FAM193A: variants seen among roughly 807,000 people sequenced by gnomAD.
FAM193A encodes protein FAM193A.
FAM193A carries 22 observed loss-of-function variants against 126.5 expected under a neutral mutation model. That is an observed-to-expected ratio of 0.17 (90% confidence interval 0.12 to 0.25). The LOEUF (loss-of-function observed/expected upper bound fraction) is 0.25, where lower values mean the gene tolerates loss of function less well. Among genes scored for constraint, FAM193A ranks in the 10% least tolerant of loss-of-function variants. The pLI is 1.00. For synonymous variants in FAM193A, 761 were observed against 646.8 expected (o/e 1.18, Z -2.68); for missense variants, 1,675 against 1,672.8 (o/e 1.00, Z -0.02).
chr4:2,555,659 T>C (rs28620508), intron 1 of FAM193A, among the ~76,000 whole-genome samples: 14,831 of 152,156 alleles, frequency 0.097, 1,487 homozygotes, highest in African/African-American at 0.26. Flanking sequence ...GCTCTGTCAC[T>C]CAGGCTGGAG....
chr4:2,729,650 C>T (rs1321708817), intron 20 of FAM193A, among the ~76,000 whole-genome samples: 2 of 152,158 alleles, frequency 1.3e-5, no homozygotes, highest in Non-Finnish European at 2.9e-5. Flanking sequence ...GGATTCGCCA[C>T]CGGCAACTCA....
At chr4:2,699,446 C>CCCCA (rs748329252) in intron 18 of FAM193A, among the ~76,000 whole-genome samples, 129 of 103,514 alleles carry the variant, frequency 1.2e-3, no homozygotes, top group Admixed American at 1.9e-3. Context: ...ACCCCCCCCC[C>CCCCA]CACACACACA....
intron 6 of FAM193A, among the ~76,000 whole-genome samples, chr4:2,640,637 C>G (rs191168387): frequency 1.3e-5 from 2 of 152,048 alleles, no homozygotes; most frequent in East Asian, 3.9e-4. Context: ...TAATACAGAC[C>G]CATCGTGACA....
At position 2,538,882 on chromosome 4, in the gene FAM193A, CTT is replaced by C. The variant is rs573455761; in HGVS notation, c.255+1714_255+1715del. On this transcript the variant is annotated intron_variant, in intron 1 of 20. Transcript: ENST00000637812. Reference sequence around the variant, plus strand: ...TTTGCAATACTTAGGTAAAATATAACTTTATTATTTTTATTTATTTTTTTTTG... The same window carrying C: ...TTTGCAATACTTAGGTAAAATATAACTATTATTTTTATTTATTTTTTTTTG... Among the ~76,000 whole-genome samples the C allele has an allele frequency of 2.3e-3, 342 of 151,576 alleles. 5 individuals are homozygous for C. Among genetic ancestry groups the C allele is most frequent in the Admixed American group, 0.014 (218 of 15,190 alleles).
intron 1 of FAM193A, among the ~76,000 whole-genome samples, chr4:2,577,074 T>C (rs904291351): frequency 5.3e-5 from 8 of 152,228 alleles, no homozygotes; most frequent in Admixed American, 6.5e-5. Context: ...TTAGTTGATA[T>C]GAGGACTAAA....
chr4:2,729,135 C>A (rs769054452), intron 20 of FAM193A, among the ~76,000 whole-genome samples: 12 of 152,118 alleles, frequency 7.9e-5, no homozygotes, highest in Non-Finnish European at 1.5e-4. Flanking sequence ...ACCAGGGAAA[C>A]TGAAGCTGGT....
chr4:2,600,869 T>C (rs1560472049), intron 2 of FAM193A, among the ~76,000 whole-genome samples: 1 of 152,198 alleles, frequency 6.6e-6, no homozygotes. Flanking sequence ...TTCACAGCCA[T>C]GTATGTCTCT....
intron 15 of FAM193A, among the ~76,000 whole-genome samples, chr4:2,692,169 G>C (rs28483): frequency 0.24 from 37,184 of 152,078 alleles, 4,827 homozygotes; most frequent in Middle Eastern, 0.33. Flanking sequence ...TTTTAATTGA[G>C]TCACAGTTCC....
intron 2 of FAM193A, 60 bp from the exon 3 acceptor site, chr4:2,625,202 A>C: frequency 1.6e-6 from 1 of 625,370 alleles, no homozygotes; most frequent in Non-Finnish European, 2.9e-6. Context: ...CAGTTAATAA[A>C]AAATTGATGC....
chr4:2,614,437 A>G (rs1172153724), intron 2 of FAM193A, among the ~76,000 whole-genome samples: 3 of 152,098 alleles, frequency 2.0e-5, no homozygotes, highest in Non-Finnish European at 4.4e-5. Flanking sequence ...ATGTTGGAAA[A>G]CCTTGCATTC....
At chr4:2,557,168 T>C (rs750522352) in intron 1 of FAM193A, among the ~76,000 whole-genome samples, 1 of 152,194 alleles carries the variant, frequency 6.6e-6, no homozygotes, top group Non-Finnish European at 1.5e-5. Context: ...AGGACAATTA[T>C]CACAATACAT....
intron 2 of FAM193A, among the ~76,000 whole-genome samples, chr4:2,602,667 T>C (rs1000181737): frequency 1.3e-5 from 2 of 152,044 alleles, no homozygotes; most frequent in Admixed American, 6.6e-5. Flanking sequence ...TTGATGTTTT[T>C]GTTTTTGTTT....
chr4:2,583,434 G>A (rs1413158171), intron 1 of FAM193A, among the ~76,000 whole-genome samples: 1 of 152,028 alleles, frequency 6.6e-6, no homozygotes, highest in East Asian at 1.9e-4. Context: ...TCCCCCTGCT[G>A]CCCCCAAATT....
Position 2,672,152 on chromosome 4 carries a change from A to G in FAM193A, c.2111A>G (p.His704Arg). ...AEQAPNTCECHVCKQEASGLT... is the reference protein window; with the variant it reads ...AEQAPNTCECRVCKQEASGLT... Reference sequence around the variant, plus strand: ...CAAGCTCCAAACACTTGTGAATGTCATGTTTGTAAGCAGGAAGCTTCTGGA... The same window carrying G: ...CAAGCTCCAAACACTTGTGAATGTCGTGTTTGTAAGCAGGAAGCTTCTGGA... Residue 704 changes from histidine to arginine, a missense_variant, in exon 13 of 21, where the codon CAT (histidine) becomes CGT (arginine). His to Arg is a conservative substitution (Grantham distance 29). Coordinates refer to ENST00000637812, the MANE Select transcript of FAM193A (RefSeq NM_001366318.2). The G allele has an allele frequency of 1.2e-6, 2 of 1,614,058 alleles. No homozygotes were observed. The highest frequency in any genetic ancestry group is 1.7e-6 in the Non-Finnish European group (2 of 1,179,984).
intron 6 of FAM193A, among the ~76,000 whole-genome samples, chr4:2,640,952 G>A (rs879541334): frequency 6.6e-6 from 1 of 151,932 alleles, no homozygotes; most frequent in Non-Finnish European, 1.5e-5. Flanking sequence ...GTGATAGAGC[G>A]AGATGCTGTC....
intron 1 of FAM193A, among the ~76,000 whole-genome samples, chr4:2,594,639 T>A: frequency 6.6e-6 from 1 of 152,032 alleles, no homozygotes; most frequent in Non-Finnish European, 1.5e-5. Context: ...TCCTCAGGGT[T>A]CGAAGGGGCT....
At chr4:2,537,574 G>T (rs947052338) in intron 1 of FAM193A, among the ~76,000 whole-genome samples, 1 of 152,240 alleles carries the variant, frequency 6.6e-6, no homozygotes, top group South Asian at 2.1e-4. Context: ...GGCTTCTGTC[G>T]TGGCGCCTCG....
intron 6 of FAM193A, among the ~76,000 whole-genome samples, chr4:2,643,416 A>T (rs1484065400): frequency 6.6e-6 from 1 of 152,208 alleles, no homozygotes; most frequent in Non-Finnish European, 1.5e-5. Context: ...AAATTATGGT[A>T]AAGTATATAT....
chr4:2,730,662 C>A (rs2109448786), intron 20 of FAM193A, among the ~76,000 whole-genome samples: 1 of 151,840 alleles, frequency 6.6e-6, no homozygotes, highest in Admixed American at 6.6e-5. Context: ...TGCACTCCAG[C>A]CTGGGCGACA....
Sources: allele counts gnomAD v4.1 joint callset (sites outside exome capture counted in the v4.1 genomes callset), GRCh38; gene constraint gnomAD v4.1.1; transcripts MANE v1.5; gene names NCBI Gene and HGNC (gene_info 2026-07-23, HGNC 2026-07-21).